The following GM2A variants were observed in gnomAD, a reference collection of about 807,000 sequenced individuals.
GM2A encodes the protein ganglioside GM2 activator.
A neutral mutation model predicts 12.9 loss-of-function variants in GM2A; 7 were observed. That is an observed-to-expected ratio of 0.54 (90% CI 0.31 to 1.02). The LOEUF (loss-of-function observed/expected upper bound fraction) is 1.02, where lower values mean the gene tolerates loss of function less well. Among genes scored for constraint, GM2A ranks in the 50% least tolerant of loss-of-function variants. The pLI is 0.05. For missense variants in GM2A, 246 were observed against 241.0 expected (o/e 1.02, Z -0.14); for synonymous variants, 101 against 96.0 (o/e 1.05, Z -0.30).
In GM2A at chr5:151,269,205, A is replaced by G. The variant is rs1335701587; in HGVS notation, c.*1754A>G. 4.1e-6 allele frequency: 4 copies of G among 985,340 alleles called. No individual in the cohort carries two copies. In the African/African-American group the frequency reaches 5.2e-5, roughly 13 times the overall value. The allele number at this position is 985,340 out of a possible 1,614,324, so 61.0% of individuals were successfully genotyped here. The stretch of plus-strand genomic sequence containing the variant: ...CAGCCCTGAGTTCTGGGCTCATTTG[A>G]AGCCTGGAATAGCAATAAATCTTTT... On this transcript the variant is annotated 3_prime_UTR_variant, in exon 4 of 4. Coordinates refer to ENST00000357164, the MANE Select transcript of GM2A (RefSeq NM_000405.5).
intron 3 of GM2A, 71 bp from the exon 4 acceptor site, chr5:151,267,225 A>C (rs935389575): frequency 3.7e-6 from 6 of 1,605,166 alleles, no homozygotes; most frequent in Non-Finnish European, 5.1e-6. Flanking sequence ...CTGCAATCCT[A>C]GCAGTGGCTC....
intron 2 of GM2A, among the ~76,000 whole-genome samples, chr5:151,263,383 G>GTA (rs751276355): frequency 1.1e-3 from 170 of 149,872 alleles, no homozygotes; most frequent in East Asian, 4.5e-3. Flanking sequence ...AATATTTCTC[G>GTA]TATATATATA....
chr5:151,256,896 C>T (rs1049472467), intron 1 of GM2A, among the ~76,000 whole-genome samples: 1 of 152,158 alleles, frequency 6.6e-6, no homozygotes, highest in Non-Finnish European at 1.5e-5. Context: ...GCTTCTTAGT[C>T]TTTCCTTGTT....
At chr5:151,265,191 T>C (rs1171969168) in intron 2 of GM2A, among the ~76,000 whole-genome samples, 1 of 151,998 alleles carries the variant, frequency 6.6e-6, no homozygotes, top group African/African-American at 2.4e-5. Flanking sequence ...GGGTATGTCT[T>C]AGGAGCAGAT....
In GM2A at chr5:151,267,628, A is replaced by G. The variant is rs1753919208; in HGVS notation, c.*177A>G. 2.6e-6 allele frequency: 4 copies of G among 1,520,510 alleles called. No homozygotes were observed. The highest frequency in any genetic ancestry group is 3.5e-6 in the Non-Finnish European group (4 of 1,136,622). 94.2% of individuals were successfully genotyped at this position (1,520,510 alleles called of 1,614,324 possible). ...ACTTACATTTTAGGCTGGGGCAAGC[A>G]GCCCTGACCTAAGGGAGAATGAGTT... On this transcript the variant is annotated 3_prime_UTR_variant, in exon 4 of 4. Coordinates refer to ENST00000357164, the MANE Select transcript of GM2A (RefSeq NM_000405.5).
intron 1 of GM2A, among the ~76,000 whole-genome samples, chr5:151,255,683 C>T (rs1410902249): frequency 1.3e-5 from 2 of 152,210 alleles, no homozygotes; most frequent in Non-Finnish European, 2.9e-5. Flanking sequence ...TGGGCTTGGC[C>T]TCACTCTGCC....
At chr5:151,255,627 A>T (rs1195294982) in intron 1 of GM2A, among the ~76,000 whole-genome samples, 2 of 152,182 alleles carry the variant, frequency 1.3e-5, no homozygotes, top group Admixed American at 1.3e-4. Flanking sequence ...GCATTCATTG[A>T]TGGAAAATTT....
Position 151,268,428 on chromosome 5 carries a change from A to G in GM2A, c.*977A>G. On this transcript the variant is annotated 3_prime_UTR_variant, in exon 4 of 4. Coordinates refer to ENST00000357164, the MANE Select transcript of GM2A (RefSeq NM_000405.5). ...TTGGCCTTGCAAAGCGCTGGATTACAGGCATGAGCCACTACACCCAGCCGA... is the reference window on the plus strand; with the variant it reads ...TTGGCCTTGCAAAGCGCTGGATTACGGGCATGAGCCACTACACCCAGCCGA... The G allele has an allele frequency of 7.2e-6, 7 of 975,296 alleles. No homozygotes were observed. Among genetic ancestry groups the G allele is most frequent in the Non-Finnish European group, 8.5e-6 (7 of 820,752 alleles). 60.4% of individuals were successfully genotyped at this position (975,296 alleles called of 1,614,324 possible). A position where few individuals can be genotyped will look rare whatever the true frequency, so the allele number is the denominator to read the frequency against.
In GM2A at chr5:151,267,813, C is replaced by T. The variant is rs954440495; in HGVS notation, c.*362C>T. ...AATCTTTATGACTCTCTCTCTTTCA[C>T]TCTTTTTTTTTTTTGTCACTAAGTT... On this transcript the variant is annotated 3_prime_UTR_variant, in exon 4 of 4. Transcript: ENST00000357164. 9 of 1,152,934 alleles carry T rather than the reference C, an allele frequency of 7.8e-6. No individual in the cohort carries two copies. The highest frequency in any genetic ancestry group is 3.9e-4 in the Middle Eastern group (1 of 2,558). 71.4% of individuals were successfully genotyped at this position (1,152,934 alleles called of 1,614,324 possible).
chr5:151,269,208 C>G lies in GM2A; in HGVS notation c.*1757C>G. ...CCCTGAGTTCTGGGCTCATTTGAAGCCTGGAATAGCAATAAATCTTTTTAA... is the reference window on the plus strand; with the variant it reads ...CCCTGAGTTCTGGGCTCATTTGAAGGCTGGAATAGCAATAAATCTTTTTAA... On this transcript the variant is annotated 3_prime_UTR_variant, in exon 4 of 4. Transcript: ENST00000357164. The G allele has an allele frequency of 4.1e-6, 4 of 985,450 alleles. No individual in the cohort carries two copies. Among genetic ancestry groups the G allele is most frequent in the Non-Finnish European group, 4.8e-6 (4 of 829,930 alleles). The allele number at this position is 985,450 out of a possible 1,614,324, so 61.0% of individuals were successfully genotyped here. A position where few individuals can be genotyped will look rare whatever the true frequency, so the allele number is the denominator to read the frequency against.
At chr5:151,261,049 G>A (rs1753790087) in intron 2 of GM2A, among the ~76,000 whole-genome samples, 1 of 152,080 alleles carries the variant, frequency 6.6e-6, no homozygotes, top group Non-Finnish European at 1.5e-5. Context: ...TTTAGAGACA[G>A]TGTGTCACTC....
chr5:151,265,099 T>C (rs1412616958), intron 2 of GM2A, among the ~76,000 whole-genome samples: 1 of 152,100 alleles, frequency 6.6e-6, no homozygotes, highest in Non-Finnish European at 1.5e-5. Flanking sequence ...CCTCTGACTT[T>C]TCCTAGGCAG....
intron 2 of GM2A, among the ~76,000 whole-genome samples, chr5:151,265,943 T>A (rs565224115): frequency 6.8e-4 from 103 of 152,332 alleles, no homozygotes; most frequent in Non-Finnish European, 1.1e-3. Flanking sequence ...AATTCTGTCT[T>A]CTGTGGCTGT....
intron 1 of GM2A, among the ~76,000 whole-genome samples, chr5:151,253,755 T>C (rs1191581728): frequency 2.0e-5 from 3 of 152,114 alleles, no homozygotes; most frequent in Non-Finnish European, 4.4e-5. Context: ...AGGATCCAGA[T>C]TTGCCCATCT....
At chr5:151,253,478 C>T (rs1753629222) in intron 1 of GM2A, among the ~76,000 whole-genome samples, 181 bp downstream of exon 1, 4 of 152,218 alleles carry the variant, frequency 2.6e-5, no homozygotes, top group Admixed American at 2.0e-4. Context: ...CCTCTAAAGA[C>T]TTGTTCTGCT....
chr5:151,269,385 G>A lies in GM2A; in HGVS notation c.*1934G>A. On this transcript the variant is annotated 3_prime_UTR_variant, in exon 4 of 4. Transcript: ENST00000357164. ...GGTGATTCCAGGGACGGACCCTTCT[G>A]CAGGAGCTTGAGCTTGCTTGTTGTC... The A allele has an allele frequency of 4.1e-6, 4 of 985,396 alleles. No homozygotes were observed. The highest frequency in any genetic ancestry group is 4.8e-6 in the Non-Finnish European group (4 of 829,950). 61.0% of individuals were successfully genotyped at this position (985,396 alleles called of 1,614,324 possible). A position where few individuals can be genotyped will look rare whatever the true frequency, so the allele number is the denominator to read the frequency against.
Position 151,259,807 on chromosome 5 carries a change from CT to C in GM2A, c.135del (p.Ala46ArgfsTer2). 6.2e-7 allele frequency: 1 copy of C among 1,613,730 alleles called. No individual in the cohort carries two copies. The highest frequency in any genetic ancestry group is 8.5e-7 in the Non-Finnish European group (1 of 1,179,616). On this transcript the variant is annotated frameshift_variant, in exon 2 of 4. Transcript: ENST00000357164. LOFTEE classifies it high-confidence loss of function. ...SWDNCDEGKD[P>X]AVIRSLTLEP... is the part of the protein sequence containing the mutation. ...GATAACTGTGATGAAGGGAAGGACC[CT>C]GCGGTGATCAGAAGCCTGACTCTGG...
Position 151,257,698 on chromosome 5 carries a change from T to G in GM2A, c.82-2057T>G, listed in dbSNP as rs115250011. 2.3e-3 allele frequency among the ~76,000 whole-genome samples: 347 copies of G among 152,262 alleles called. 2 individuals are homozygous for G. Among genetic ancestry groups the G allele is most frequent in the African/African-American group, 7.9e-3 (327 of 41,550 alleles). ...TGACCCTGCTACCCCTCCAACCTCA[T>G]CTGGGTCCCTCATCTACTACATTTA... On this transcript the variant is annotated intron_variant, in intron 1 of 3. Transcript: ENST00000357164.
chr5:151,263,522 T>A (rs1753834692), intron 2 of GM2A, among the ~76,000 whole-genome samples: 1 of 152,172 alleles, frequency 6.6e-6, no homozygotes, highest in Non-Finnish European at 1.5e-5. Flanking sequence ...CAGGAAAGGT[T>A]GCAACTTGAC....
Sources: gnomAD v4.1 joint callset for allele counts (sites outside exome capture counted in the v4.1 genomes callset) on GRCh38, gnomAD v4.1.1 for gene constraint, MANE v1.5 for transcripts, NCBI Gene and HGNC (gene_info 2026-07-23, HGNC 2026-07-21) for gene names.